The following FAN1 variants were observed in gnomAD, a reference collection of about 807,000 sequenced individuals.
FAN1 encodes fanconi-associated nuclease 1.
FAN1 carries 91 observed loss-of-function variants against 104.9 expected under a neutral mutation model. The ratio of observed to expected loss-of-function variants is 0.87; its 90% CI spans 0.73 to 1.03. The LOEUF (loss-of-function observed/expected upper bound fraction) is 1.03, where lower values mean the gene tolerates loss of function less well. Among genes scored for constraint, FAN1 ranks in the 50% least tolerant of loss-of-function variants. The probability of loss-of-function intolerance (pLI) is 0.00; values close to 1 mark genes in which losing one functional copy is unlikely to be tolerated. For synonymous variants in FAN1, 478 were observed against 457.6 expected (o/e 1.04, Z -0.57); for missense variants, 1,263 against 1,239.9 (o/e 1.02, Z -0.28).
At position 30,918,208 on chromosome 15, in the gene FAN1, T is replaced by C. The variant is rs1174852609; in HGVS notation, c.1856T>C (p.Met619Thr). The change falls in exon 6 of 15, where the codon ATG (methionine) becomes ACG (threonine). Residue 619 changes from methionine (M) to threonine (T), a missense_variant. Around this residue, in one of 2 missense-constraint regions of FAN1, gnomAD observed 581 missense variants for 668.8 expected, o/e 0.87. Coordinates refer to ENST00000362065, the MANE Select transcript of FAN1 (RefSeq NM_014967.5). ...THMLSDISSA[M>T]ANGNWEEAKE... ...ATGCTGAGTGACATTTCTTCCGCAA[T>C]GGCCAATGGGAACTGGGAAGAAGCT... 1.2e-6 allele frequency: 2 copies of C among 1,614,068 alleles called. No individual in the cohort carries two copies. Among genetic ancestry groups the C allele is most frequent in the South Asian group, 1.1e-5 (1 of 91,076 alleles).
chr15:30,942,712 A>AGAC lies in FAN1; in HGVS notation c.*1151_*1153dup. The AGAC allele has an allele frequency of 3.2e-6, 2 of 627,236 alleles. No homozygotes were observed. The highest frequency in any genetic ancestry group is 5.1e-6 in the Non-Finnish European group (2 of 389,616). The allele number at this position is 627,236 out of a possible 1,614,324, so 38.9% of individuals were successfully genotyped here. A position where few individuals can be genotyped will look rare whatever the true frequency, so the allele number is the denominator to read the frequency against. On this transcript the variant is annotated 3_prime_UTR_variant, in exon 15 of 15. Coordinates refer to ENST00000362065, the MANE Select transcript of FAN1 (RefSeq NM_014967.5). ...CAGGTACTGAGACTTTGTGGGCCTC[A>AGAC]GACACCAGGAAGAAAGCTGGGATAC...
At chr15:30,904,487 A>G in intron 1 of FAN1, 25 bp from the exon 2 acceptor site, 2 of 743,116 alleles carry the variant, frequency 2.7e-6, no homozygotes, top group Non-Finnish European at 4.7e-6. Flanking sequence ...AAATGTTTTT[A>G]ATTTATATGT....
Position 30,943,037 on chromosome 15 carries a change from A to G in FAN1, c.*1475A>G, listed in dbSNP as rs2063105160. The G allele has an allele frequency of 6.5e-7, 1 of 1,547,018 alleles. No individual in the cohort carries two copies. The highest frequency in any genetic ancestry group is 1.4e-5 in the African/African-American group (1 of 72,822). On this transcript the variant is annotated 3_prime_UTR_variant, in exon 15 of 15. Transcript: ENST00000362065. ...CAGAGGGGAATTTTAAGCCCTTCTC[A>G]TCACCCAATTGGATGTTTTTGCTTA...
chr15:30,940,532 T>C lies in FAN1; in HGVS notation c.*4-1034T>C, dbSNP rs2063008694. 1.5e-5 allele frequency: 15 copies of C among 985,382 alleles called. No individual in the cohort carries two copies. The South Asian group carries it at 1.9e-4, about 12-fold the overall frequency. The allele number at this position is 985,382 out of a possible 1,614,324, so 61.0% of individuals were successfully genotyped here. A position where few individuals can be genotyped will look rare whatever the true frequency, so the allele number is the denominator to read the frequency against. ...AAGTGCCAGCAATAGTTTACCACAC[T>C]GGAAATACTGATGGCCAAGCCCAGC... On this transcript the variant is annotated intron_variant, in intron 14 of 14. Transcript: ENST00000362065.
At chr15:30,911,150 A>T in intron 4 of FAN1, 1 of 1,059,334 alleles carries the variant, frequency 9.4e-7, no homozygotes, top group Non-Finnish European at 1.1e-6. Flanking sequence ...TTTTTATTTT[A>T]GTTTTTGTTT....
chr15:30,914,049 A>G lies in FAN1; in HGVS notation c.1769A>G (p.Asn590Ser). 4 of 1,614,152 alleles carry G rather than the reference A, an allele frequency of 2.5e-6. No individual in the cohort carries two copies. Among genetic ancestry groups the G allele is most frequent in the Non-Finnish European group, 3.4e-6 (4 of 1,180,004 alleles). ...GRMEFPSYTINRKTHIFQDRD... is the reference protein window; with the variant it reads ...GRMEFPSYTISRKTHIFQDRD... ...ATGGAGTTTCCTAGTTACACCATCA[A>G]TCGGAAAACCCACATCTTCCAAGAC... The change falls in exon 5 of 15, where the codon AAT becomes AGT. Residue 590 changes from asparagine to serine, a missense_variant. By Grantham distance (46) the Asn-to-Ser change is conservative (BLOSUM62 1). Transcript: ENST00000362065.
At chr15:30,923,359 C>A (rs890208561) in intron 8 of FAN1, among the ~76,000 whole-genome samples, 2 of 152,138 alleles carry the variant, frequency 1.3e-5, no homozygotes, top group Non-Finnish European at 2.9e-5. Context: ...GTGTTTCTGT[C>A]GCCTTTCTTT....
intron 14 of FAN1, among the ~76,000 whole-genome samples, chr15:30,937,981 C>T (rs1254085021): frequency 8.6e-5 from 13 of 151,444 alleles, no homozygotes; most frequent in Admixed American, 7.2e-4. Context: ...GTCAAGAGAT[C>T]GAGACCATCC....
In FAN1 at chr15:30,916,116, TA is replaced by T. The variant is rs546915207; in HGVS notation, c.1811+2029del. 4.3e-3 allele frequency among the ~76,000 whole-genome samples: 658 copies of T among 152,366 alleles called. 2 individuals carry two copies. The highest frequency in any genetic ancestry group is 0.015 in the African/African-American group (624 of 41,580). On this transcript the variant is annotated intron_variant, in intron 5 of 14. Coordinates refer to ENST00000362065, the MANE Select transcript of FAN1 (RefSeq NM_014967.5). ...GTTCAATGGGAATAACTTTTTTAGT[TA>T]AAATCTCTAATAAGACTGTTTATTC...
At chr15:30,941,443 C>G (rs2063049088) in intron 14 of FAN1, 123 bp from the exon 15 acceptor site, 1 of 1,577,712 alleles carries the variant, frequency 6.3e-7, no homozygotes, top group Non-Finnish European at 8.6e-7. Flanking sequence ...GACAGCTTCC[C>G]TCAAAATGTT....
chr15:30,922,499 A>C, intron 8 of FAN1, 145 bp downstream of exon 8: 3 of 881,452 alleles, frequency 3.4e-6, no homozygotes, highest in Middle Eastern at 5.5e-4. Flanking sequence ...GTGTTCTTCC[A>C]ACCCCAAAAG....
At chr15:30,930,923 T>G (rs754045718) in intron 13 of FAN1, among the ~76,000 whole-genome samples, 14 of 152,170 alleles carry the variant, frequency 9.2e-5, no homozygotes, top group Admixed American at 2.0e-4. Context: ...TGATGTTCCA[T>G]CACTCCTGCT....
In FAN1 at chr15:30,905,082, A is replaced by G. The variant is rs765133923; in HGVS notation, c.419A>G (p.Asp140Gly). 1 of 1,614,046 alleles carries G rather than the reference A, an allele frequency of 6.2e-7. No individual in the cohort carries two copies. ...AATGATGTGGTGTGCAAAAATCAAG[A>G]TGAGCTGAGAAATCGTAGTGTGAAA... ...KSNDVVCKNQ[D>G]ELRNRSVKVI... The change falls in exon 2 of 15, where the codon GAT (aspartate) becomes GGT (glycine). Residue 140 changes from aspartate (D) to glycine (G), a missense_variant. Physicochemically the swap from Asp to Gly is moderately conservative, Grantham distance 94. This residue lies in a region of FAN1 where 682 missense variants were observed against 571.1 expected (regional missense o/e 1.19). Coordinates refer to ENST00000362065, the MANE Select transcript of FAN1 (RefSeq NM_014967.5).
chr15:30,920,778 C>A, intron 7 of FAN1, 125 bp downstream of exon 7: 1 of 586,682 alleles, frequency 1.7e-6, no homozygotes, highest in Non-Finnish European at 3.0e-6. Flanking sequence ...ATAATGGAGG[C>A]ATATTTGTTT....
In FAN1 at chr15:30,942,167, T is replaced by G; in HGVS notation, c.*605T>G. 1 of 1,390,496 alleles carries G rather than the reference T, an allele frequency of 7.2e-7. No individual in the cohort carries two copies. The highest frequency in any genetic ancestry group is 9.7e-7 in the Non-Finnish European group (1 of 1,028,052). The allele number at this position is 1,390,496 out of a possible 1,614,324, so 86.1% of individuals were successfully genotyped here. A position where few individuals can be genotyped will look rare whatever the true frequency, so the allele number is the denominator to read the frequency against. On this transcript the variant is annotated 3_prime_UTR_variant, in exon 15 of 15. Coordinates refer to ENST00000362065, the MANE Select transcript of FAN1 (RefSeq NM_014967.5). ...ATATAAACTCAATACTATGAAAAAT[T>G]AATGGAATTTCAGCCTCAAAGAACA... is the stretch of plus-strand genomic sequence containing the variant.
intron 14 of FAN1, chr15:30,940,545 G>GGCCAA (rs1371311811): frequency 1.0e-6 from 1 of 985,378 alleles, no homozygotes. Context: ...AAATACTGAT[G>GGCCAA]GCCAAGCCCA....
Position 30,905,139 on chromosome 15 carries a change from T to C in FAN1, c.476T>C (p.Leu159Ser). Residue 159 changes from leucine (L) to serine (S), a missense_variant, in exon 2 of 15, where the codon TTG becomes TCG. Leu to Ser is a moderately radical substitution (Grantham distance 145). This residue lies in a region of FAN1 where 682 missense variants were observed against 571.1 expected (regional missense o/e 1.19). Coordinates refer to ENST00000362065, the MANE Select transcript of FAN1 (RefSeq NM_014967.5). ...TGTTTGGGAAGCCTAGCATCTAAATTGTCCAGAAAATACGTAAAGGCTAAA... is the reference window on the plus strand; with the variant it reads ...TGTTTGGGAAGCCTAGCATCTAAATCGTCCAGAAAATACGTAAAGGCTAAA... ...VICLGSLASK[L>S]SRKYVKAKKS... 1 of 1,614,024 alleles carries C rather than the reference T, an allele frequency of 6.2e-7. No individual in the cohort carries two copies. The highest frequency in any genetic ancestry group is 8.5e-7 in the Non-Finnish European group (1 of 1,180,024).
chr15:30,939,465 T>C, intron 14 of FAN1: 1 of 985,494 alleles, frequency 1.0e-6, no homozygotes, highest in Non-Finnish European at 1.2e-6. Flanking sequence ...AAGGCTGTCA[T>C]AGTTGTTTTT....
In FAN1 at chr15:30,930,615, T is replaced by C; in HGVS notation, c.2860T>C (p.Cys954Arg). Residue 954 changes from cysteine to arginine, a missense_variant, in exon 13 of 15, where the codon TGT (cysteine) becomes CGT (arginine). Physicochemically the swap from Cys to Arg is radical, Grantham distance 180. This residue lies in a region of FAN1 where 581 missense variants were observed against 668.8 expected (regional missense o/e 0.87). Coordinates refer to ENST00000362065, the MANE Select transcript of FAN1 (RefSeq NM_014967.5). ...GCACCTGGCTGCTGACTTTCGACACTGTCGAGGGGGCCTCCCCGACCTGGT... is the reference window on the plus strand; with the variant it reads ...GCACCTGGCTGCTGACTTTCGACACCGTCGAGGGGGCCTCCCCGACCTGGT... Reference protein sequence around the residue: ...CRHLAADFRHCRGGLPDLVVW... With the variant: ...CRHLAADFRHRRGGLPDLVVW... 1 of 1,612,960 alleles carries C rather than the reference T, an allele frequency of 6.2e-7. No homozygotes were observed. Among genetic ancestry groups the C allele is most frequent in the Non-Finnish European group, 8.5e-7 (1 of 1,179,570 alleles).
Sources: gnomAD v4.1 joint callset for allele counts (sites outside exome capture counted in the v4.1 genomes callset) on GRCh38, gnomAD v4.1.1 for gene constraint, gnomAD v4.1.1 regional missense constraint, MANE v1.5 for transcripts, NCBI Gene and HGNC (gene_info 2026-07-23, HGNC 2026-07-21) for gene names.